NAV2: variants seen among roughly 807,000 people sequenced by gnomAD.
NAV2 encodes neuron navigator 2.
NAV2 carries 54 observed loss-of-function variants against 223.2 expected under a neutral mutation model. The observed-to-expected ratio is 0.24, with a 90% CI of 0.19 to 0.30. The LOEUF (loss-of-function observed/expected upper bound fraction) is 0.30. NAV2 is among the 10% of genes least tolerant of loss of function. The pLI is 1.00. For missense variants in NAV2, 2,806 were observed against 3,147.5 expected, an observed-to-expected ratio of 0.89 and a Z score of 2.60; for synonymous variants, 1,279 against 1,239.3, an observed-to-expected ratio of 1.03 and a Z score of -0.67.
Position 20,110,337 on chromosome 11 carries a change from CG to C in NAV2, c.6960+2557del, listed in dbSNP as rs375546934. Among the ~76,000 whole-genome samples the C allele has an allele frequency of 5.8e-4, 88 of 152,258 alleles. 1 individual carries two copies. The East Asian group carries it at 0.015, about 25-fold the overall frequency. ...TCAGCCCAGGAGACTGTATAGACTG[CG>C]GATTCCTGCGGAAGCTTGCTGTGTT... On this transcript the variant is annotated intron_variant, in intron 36 of 37. Coordinates refer to ENST00000349880, the MANE Select transcript of NAV2 (RefSeq NM_145117.5).
chr11:19,932,236 C>CAAAAAAAAAA (rs398015484), intron 6 of NAV2, among the ~76,000 whole-genome samples: 344 of 77,990 alleles, frequency 4.4e-3, no homozygotes, highest in Non-Finnish European at 5.3e-3. Context: ...CACTCTTAAG[C>CAAAAAAAAAA]AAAAAAAAAA....
chr11:19,715,625 A>G (rs543755443), intron 1 of NAV2, among the ~76,000 whole-genome samples: 5 of 152,284 alleles, frequency 3.3e-5, no homozygotes, highest in Admixed American at 1.3e-4. Context: ...TTGACCCTTC[A>G]TTTAACAAAC....
intron 1 of NAV2, among the ~76,000 whole-genome samples, chr11:19,433,807 T>A (rs1851117688): frequency 6.6e-6 from 1 of 152,230 alleles, no homozygotes; most frequent in African/African-American, 2.4e-5. Context: ...TTTCAAAAGA[T>A]CTCACATCCA....
chr11:19,883,814 A>T (rs1200680263), intron 5 of NAV2, among the ~76,000 whole-genome samples: 1 of 152,252 alleles, frequency 6.6e-6, no homozygotes, highest in Non-Finnish European at 1.5e-5. Context: ...TAGCATTAAA[A>T]GCAAAAATCC....
chr11:19,603,050 C>A (rs2135259401), intron 1 of NAV2, among the ~76,000 whole-genome samples: 1 of 152,262 alleles, frequency 6.6e-6, no homozygotes, highest in Admixed American at 6.5e-5. Flanking sequence ...GCTCCGTGGG[C>A]AGAGGGTTCA....
At chr11:20,053,338 G>A (rs2058148045) in intron 17 of NAV2, among the ~76,000 whole-genome samples, 1 of 151,146 alleles carries the variant, frequency 6.6e-6, no homozygotes, top group African/African-American at 2.4e-5. Context: ...GTGACTACCA[G>A]CAGGGTTCTT....
At chr11:19,516,272 T>C (rs147528383) in intron 1 of NAV2, among the ~76,000 whole-genome samples, 2 of 152,302 alleles carry the variant, frequency 1.3e-5, no homozygotes, top group Non-Finnish European at 2.9e-5. Context: ...CCCCTCTTTC[T>C]CCTAAGCCAA....
At chr11:19,516,064 G>A (rs1190296183) in intron 1 of NAV2, among the ~76,000 whole-genome samples, 1 of 152,200 alleles carries the variant, frequency 6.6e-6, no homozygotes, top group Non-Finnish European at 1.5e-5. Context: ...TAGGCAGCTG[G>A]AGTTATGAGC....
chr11:19,950,929 G>A (rs1044695218), intron 10 of NAV2, among the ~76,000 whole-genome samples: 1 of 152,192 alleles, frequency 6.6e-6, no homozygotes, highest in African/African-American at 2.4e-5. Context: ...AGATGGAGTG[G>A]GGAAACCAAG....
chr11:19,438,305 A>G (rs1461310693), intron 1 of NAV2, among the ~76,000 whole-genome samples: 1 of 152,242 alleles, frequency 6.6e-6, no homozygotes, highest in Non-Finnish European at 1.5e-5. Context: ...TCCGAAGATT[A>G]AGTAGCAGTC....
At chr11:20,037,979 G>T (rs1204202053) in intron 12 of NAV2, among the ~76,000 whole-genome samples, 1 of 151,860 alleles carries the variant, frequency 6.6e-6, no homozygotes, top group African/African-American at 2.4e-5. Flanking sequence ...GTACTGCAGA[G>T]AGAGAGAGAG....
intron 8 of NAV2, among the ~76,000 whole-genome samples, chr11:19,944,836 T>G (rs2046744327): frequency 6.7e-6 from 1 of 149,886 alleles, no homozygotes. Context: ...GCTTGCTTTC[T>G]TGCCTTCTTG....
In NAV2 at chr11:19,588,610, A is replaced by G. The variant is rs904560108; in HGVS notation, c.75+237583A>G. Among the ~76,000 whole-genome samples the G allele has an allele frequency of 4.6e-5, 7 of 152,244 alleles. 1 individual carries two copies. Among genetic ancestry groups the G allele is most frequent in the Non-Finnish European group, 4.4e-5 (3 of 68,040 alleles). On this transcript the variant is annotated intron_variant, in intron 1 of 37. Transcript: ENST00000360655. ...GAGGTTCAAACAGAAGAAGTGGTAC[A>G]CAACTACCATTGGAGACATAGGTTG...
chr11:19,410,303 T>C (rs957054098), intron 1 of NAV2, among the ~76,000 whole-genome samples: 1 of 152,218 alleles, frequency 6.6e-6, no homozygotes, highest in Non-Finnish European at 1.5e-5. Context: ...CTCTGCTGGT[T>C]TCCATCTAAG....
intron 26 of NAV2, among the ~76,000 whole-genome samples, chr11:20,084,000 C>T (rs1420453133): frequency 1.3e-5 from 2 of 152,230 alleles, no homozygotes; most frequent in Admixed American, 6.5e-5. Context: ...CAGGCAAAAT[C>T]AGCCTGTCCA....
chr11:19,489,976 C>A (rs935066968), intron 1 of NAV2, among the ~76,000 whole-genome samples: 6 of 152,080 alleles, frequency 3.9e-5, no homozygotes, highest in Non-Finnish European at 1.5e-5. Flanking sequence ...TCCAGACCAG[C>A]GCAATAAAGT....
At chr11:19,938,895 T>C (rs564994680) in intron 7 of NAV2, among the ~76,000 whole-genome samples, 67 of 152,316 alleles carry the variant, frequency 4.4e-4, no homozygotes, top group African/African-American at 1.6e-3. Context: ...GTGAAATCGG[T>C]TGAATTAGTT....
At chr11:19,878,169 G>A (rs971053753) in intron 4 of NAV2, among the ~76,000 whole-genome samples, 4 of 152,168 alleles carry the variant, frequency 2.6e-5, no homozygotes, top group African/African-American at 9.7e-5. Context: ...TGTGGTCCTG[G>A]TATAATTAAG....
At chr11:19,901,420 G>A (rs192069061) in intron 6 of NAV2, among the ~76,000 whole-genome samples, 62 of 152,258 alleles carry the variant, frequency 4.1e-4, no homozygotes, top group Admixed American at 3.2e-3. Context: ...GGTGGCGTAC[G>A]CCTGTAGTCC....
Sources: allele counts gnomAD v4.1 joint callset (sites outside exome capture counted in the v4.1 genomes callset), GRCh38; gene constraint gnomAD v4.1.1; transcripts MANE v1.5; gene names NCBI Gene and HGNC (gene_info 2026-07-23, HGNC 2026-07-21).